Variants in CFAP36 observed in about 807,000 individuals in gnomAD.
CFAP36 encodes cilia- and flagella-associated protein 36.
In CFAP36, 37 loss-of-function variants were observed where a neutral mutation model predicts 50.5. The observed-to-expected ratio is 0.73, with a 90% CI of 0.56 to 0.96. The LOEUF is 0.96. CFAP36 is among the 50% of genes least tolerant of loss of function. The pLI, the probability that CFAP36 is intolerant of heterozygous loss-of-function variation, is 0.00. For synonymous variants in CFAP36, 138 were observed against 128.2 expected (o/e 1.08, Z -0.52); for missense variants, 407 against 396.2 (o/e 1.03, Z -0.23).
intron 2 of CFAP36, 30 bp downstream of exon 2, chr2:55,522,196 A>C (rs372577343): frequency 8.5e-7 from 1 of 1,180,312 alleles, no homozygotes; most frequent in Non-Finnish European, 1.2e-6. Flanking sequence ...GATTTTTAAA[A>C]GTAATTAGGC....
intron 3 of CFAP36, among the ~76,000 whole-genome samples, chr2:55,527,708 C>G (rs1037928199): frequency 6.6e-6 from 1 of 152,020 alleles, no homozygotes; most frequent in Non-Finnish European, 1.5e-5. Context: ...ACAGAATGTT[C>G]GTCAAGACAG....
chr2:55,532,945 GC>G (rs532005505), intron 4 of CFAP36, among the ~76,000 whole-genome samples: 111 of 152,228 alleles, frequency 7.3e-4, no homozygotes, highest in Admixed American at 2.2e-3. Context: ...ATTTTCTTGG[GC>G]TCAAGTTGCT....
At chr2:55,543,804 T>C in intron 7 of CFAP36, 134 bp from the exon 8 acceptor site, 2 of 859,630 alleles carry the variant, frequency 2.3e-6, no homozygotes, top group South Asian at 3.3e-5. Context: ...GTATAGGCAC[T>C]GAATATATGT....
chr2:55,524,140 C>T (rs1013643711), intron 3 of CFAP36, among the ~76,000 whole-genome samples: 1 of 152,214 alleles, frequency 6.6e-6, no homozygotes, highest in Non-Finnish European at 1.5e-5. Context: ...ATAATTTTAG[C>T]AGATCCACAG....
chr2:55,534,613 C>T (rs1263813982), intron 5 of CFAP36, among the ~76,000 whole-genome samples: 2 of 152,292 alleles, frequency 1.3e-5, no homozygotes, highest in South Asian at 4.1e-4. Flanking sequence ...AAGGAAGGGG[C>T]AGTAGTAGCT....
chr2:55,524,510 C>T (rs889979622), intron 3 of CFAP36, among the ~76,000 whole-genome samples: 1 of 146,022 alleles, frequency 6.8e-6, no homozygotes, highest in Non-Finnish European at 1.5e-5. Flanking sequence ...AAGGGATTTG[C>T]CCATCTTGGC....
At chr2:55,528,216 AATAATC>A (rs1684260411) in intron 3 of CFAP36, among the ~76,000 whole-genome samples, 1 of 149,314 alleles carries the variant, frequency 6.7e-6, no homozygotes, top group African/African-American at 2.5e-5. Flanking sequence ...GTAATCATAG[AATAATC>A]ATAAAGTATT....
intron 4 of CFAP36, 55 bp downstream of exon 4, chr2:55,529,047 T>G: frequency 8.1e-7 from 1 of 1,234,528 alleles, no homozygotes; most frequent in Non-Finnish European, 1.2e-6. Context: ...TTTACAGTTT[T>G]GACTATTCTA....
intron 5 of CFAP36, among the ~76,000 whole-genome samples, chr2:55,534,175 G>A (rs532668052): frequency 1.3e-5 from 2 of 152,224 alleles, no homozygotes; most frequent in Admixed American, 6.5e-5. Flanking sequence ...CAAATGAAAG[G>A]GTCTTTTTAC....
chr2:55,526,213 A>T (rs1684203690), intron 3 of CFAP36, among the ~76,000 whole-genome samples: 1 of 152,240 alleles, frequency 6.6e-6, no homozygotes, highest in African/African-American at 2.4e-5. Context: ...ACTAAATTGT[A>T]AGTCCTTTGA....
intron 2 of CFAP36, 56 bp downstream of exon 2, chr2:55,522,222 C>T (rs577688909): frequency 1.1e-4 from 98 of 866,252 alleles, no homozygotes; most frequent in Admixed American, 7.4e-4. Flanking sequence ...CTACTTATAG[C>T]TTTTCTAAAT....
chr2:55,537,031 C>T (rs1684506996), intron 6 of CFAP36, among the ~76,000 whole-genome samples: 1 of 152,222 alleles, frequency 6.6e-6, no homozygotes, highest in Non-Finnish European at 1.5e-5. Context: ...ACATGAGCCA[C>T]TGTGCCCGGC....
rs577800875 is a variant in CFAP36, at chr2:55,543,474, T to C, written c.641-464T>C. Reference sequence around the variant, plus strand: ...ACAAAAATTATTGACATTACTGGCATGCACTCTTGCAATACAAAAAATTAT... The same window carrying C: ...ACAAAAATTATTGACATTACTGGCACGCACTCTTGCAATACAAAAAATTAT... On this transcript the variant is annotated intron_variant, in intron 7 of 9. Coordinates refer to ENST00000349456, the MANE Select transcript of CFAP36 (RefSeq NM_080667.7). Among the ~76,000 whole-genome samples, 7 of 152,342 alleles carry C rather than the reference T, an allele frequency of 4.6e-5. No individual in the cohort carries two copies. In the South Asian group the frequency reaches 1.2e-3, roughly 27 times the overall value.
Position 55,533,924 on chromosome 2 carries a change from A to C in CFAP36, c.449A>C (p.Glu150Ala), listed in dbSNP as rs1684416134. 6.2e-7 allele frequency: 1 copy of C among 1,611,404 alleles called. No homozygotes were observed. The highest frequency in any genetic ancestry group is 8.5e-7 in the Non-Finnish European group (1 of 1,178,444). The change falls in exon 5 of 10, where the codon GAA becomes GCA. Residue 150 changes from glutamate (E) to alanine (A), a missense_variant. By Grantham distance (107) the Glu-to-Ala change is moderately radical. Coordinates refer to ENST00000349456, the MANE Select transcript of CFAP36 (RefSeq NM_080667.7). ...TDGSDVVSDL[E>A]HEEMKILREV... ...GGCTCTGATGTGGTCAGTGACCTTG[A>C]ACACGAAGAGATGAAAATCCTGAGG...
At position 55,528,968 on chromosome 2, in the gene CFAP36, A is replaced by T; in HGVS notation, c.373A>T (p.Ile125Phe). Residue 125 changes from isoleucine (I) to phenylalanine (F), a missense_variant, in exon 4 of 10, where the codon ATT becomes TTT. Transcript: ENST00000349456. ...QKNIEMQLQAIRIIQERNGVL... is the reference protein window; with the variant it reads ...QKNIEMQLQAFRIIQERNGVL... ...AAACATTGAAATGCAGCTGCAAGCCATTCGAATAATTCAAGAGAGAAATGG... is the reference window on the plus strand; with the variant it reads ...AAACATTGAAATGCAGCTGCAAGCCTTTCGAATAATTCAAGAGAGAAATGG... The T allele has an allele frequency of 1.2e-6, 2 of 1,608,034 alleles. No individual in the cohort carries two copies. The highest frequency in any genetic ancestry group is 1.1e-5 in the South Asian group (1 of 89,424).
At position 55,523,758 on chromosome 2, in the gene CFAP36, G is replaced by C. The variant is rs1331807560; in HGVS notation, c.218G>C (p.Gly73Ala). The change falls in exon 3 of 10, where the codon GGA (glycine) becomes GCA (alanine). Residue 73 changes from glycine to alanine, a missense_variant. By Grantham distance (60) the Gly-to-Ala change is moderately conservative. Coordinates refer to ENST00000349456, the MANE Select transcript of CFAP36 (RefSeq NM_080667.7). ...TTAGAAGGTTACCTCAAAGAAATTGGAATTAATGAAGATCAATTTCAAGAA... is the reference window on the plus strand; with the variant it reads ...TTAGAAGGTTACCTCAAAGAAATTGCAATTAATGAAGATCAATTTCAAGAA... ...KLLEGYLKEI[G>A]INEDQFQEAC... The C allele has an allele frequency of 1.9e-6, 3 of 1,607,336 alleles. No homozygotes were observed. Among genetic ancestry groups the C allele is most frequent in the Non-Finnish European group, 2.6e-6 (3 of 1,175,868 alleles).
In CFAP36 at chr2:55,537,478, T is replaced by C. The variant is rs1443469706; in HGVS notation, c.538-5T>C. ...TTTAAAAAATTGTATTATGGAATCC[T>C]GAAGTTATCAGAGGCTAAAACAGAA... On this transcript the variant is annotated splice_region_variant and splice_polypyrimidine_tract_variant and intron_variant, in intron 6 of 9. Transcript: ENST00000349456. 3 of 1,594,502 alleles carry C rather than the reference T, an allele frequency of 1.9e-6. No individual in the cohort carries two copies. In the Admixed American group the frequency reaches 5.3e-5, roughly 28 times the overall value.
intron 4 of CFAP36, among the ~76,000 whole-genome samples, chr2:55,532,482 A>G (rs1198805874): frequency 1.3e-5 from 2 of 152,206 alleles, no homozygotes; most frequent in African/African-American, 4.8e-5. Context: ...TTCCTCAGGA[A>G]GATTATTAGG....
Position 55,527,159 on chromosome 2 carries a change from G to A in CFAP36, c.283-1719G>A, listed in dbSNP as rs114541555. On this transcript the variant is annotated intron_variant, in intron 3 of 9. Coordinates refer to ENST00000349456, the MANE Select transcript of CFAP36 (RefSeq NM_080667.7). Reference sequence around the variant, plus strand: ...GTACCTAATAACAAAGCAACAAAATGTGTGAGGCAGAAACGGAACTGCAAG... The same window carrying A: ...GTACCTAATAACAAAGCAACAAAATATGTGAGGCAGAAACGGAACTGCAAG... 8.7e-3 allele frequency among the ~76,000 whole-genome samples: 1,329 copies of A among 152,298 alleles called. 14 individuals carry two copies. The highest frequency in any genetic ancestry group is 0.029 in the African/African-American group (1,217 of 41,556).
Sources: allele counts gnomAD v4.1 joint callset (sites outside exome capture counted in the v4.1 genomes callset), GRCh38; gene constraint gnomAD v4.1.1; transcripts MANE v1.5; gene names NCBI Gene and HGNC (gene_info 2026-07-23, HGNC 2026-07-21).